The following DCBLD1 variants were observed in gnomAD, a reference collection of about 807,000 sequenced individuals.
DCBLD1 encodes discoidin, CUB and LCCL domain-containing protein 1.
DCBLD1 carries 57 observed loss-of-function variants against 71.5 expected under a neutral mutation model. The observed-to-expected ratio is 0.80, with a 90% CI of 0.64 to 0.99. The LOEUF is 0.99. Ranked by LOEUF, DCBLD1 falls within the 50% of genes least tolerant of loss-of-function variation. The pLI is 0.00. For missense variants in DCBLD1, 891 were observed against 923.5 expected (o/e 0.96, Z 0.46); for synonymous variants, 380 against 363.8 (o/e 1.04, Z -0.51).
Position 117,543,175 on chromosome 6 carries a change from T to G in DCBLD1, c.1409T>G (p.Val470Gly). Reference sequence around the variant, plus strand: ...CCATTGGTGCTCCTTGTTGTCCTGGTGTTTGCTGGAATGGGGATCTTTGCA... The same window carrying G: ...CCATTGGTGCTCCTTGTTGTCCTGGGGTTTGCTGGAATGGGGATCTTTGCA... Reference protein sequence around the residue: ...AIPLVLLVVLVFAGMGIFAAF... With the variant: ...AIPLVLLVVLGFAGMGIFAAF... Residue 470 changes from valine (V) to glycine (G), a missense_variant, in exon 12 of 15, where the codon GTG (valine) becomes GGG (glycine). Physicochemically the swap from Val to Gly is moderately radical, Grantham distance 109. Transcript: ENST00000338728. The G allele has an allele frequency of 6.2e-7, 1 of 1,614,170 alleles. No individual in the cohort carries two copies.
At position 117,548,614 on chromosome 6, in the gene DCBLD1, T is replaced by TGTGCA. The variant is rs977378465; in HGVS notation, c.*177_*181dup. The TGTGCA allele has an allele frequency of 7.0e-7, 1 of 1,434,206 alleles. No individual in the cohort carries two copies. The highest frequency in any genetic ancestry group is 1.4e-5 in the African/African-American group (1 of 69,640). The allele number at this position is 1,434,206 out of a possible 1,614,324, so 88.8% of individuals were successfully genotyped here. A position where few individuals can be genotyped will look rare whatever the true frequency, so the allele number is the denominator to read the frequency against. On this transcript the variant is annotated 3_prime_UTR_variant, in exon 15 of 15. Transcript: ENST00000338728. The stretch of plus-strand genomic sequence containing the variant: ...CAACCTGTCATACTGTTTACAAAAT[T>TGTGCA]GTGCAGCTGGTTTCGTGCTGACCCT...
intron 14 of DCBLD1, chr6:117,569,504 G>C: frequency 6.4e-7 from 1 of 1,568,026 alleles, no homozygotes; most frequent in Non-Finnish European, 8.6e-7. Context: ...TCGTAGGGAA[G>C]TATACAGTGT....
At chr6:117,567,504 A>G (rs1020871995) in intron 14 of DCBLD1, among the ~76,000 whole-genome samples, 2 of 152,196 alleles carry the variant, frequency 1.3e-5, no homozygotes, top group Non-Finnish European at 1.5e-5. Flanking sequence ...TAAGGACATC[A>G]TATAAATCTT....
intron 1 of DCBLD1, among the ~76,000 whole-genome samples, chr6:117,500,363 C>G (rs1777613094): frequency 6.6e-6 from 1 of 152,154 alleles, no homozygotes; most frequent in African/African-American, 2.4e-5. Flanking sequence ...GGTTCTTTGG[C>G]AGAACAAAGA....
At chr6:117,518,548 A>G (rs1471727679) in intron 2 of DCBLD1, among the ~76,000 whole-genome samples, 1 of 152,228 alleles carries the variant, frequency 6.6e-6, no homozygotes, top group Non-Finnish European at 1.5e-5. Flanking sequence ...TGATAAGGAC[A>G]TACCTGAGAC....
intron 1 of DCBLD1, among the ~76,000 whole-genome samples, chr6:117,484,045 G>A (rs898351037): frequency 6.6e-6 from 1 of 152,176 alleles, no homozygotes; most frequent in African/African-American, 2.4e-5. Context: ...ACAATACTAG[G>A]CAGATTGTAA....
rs1247428556 is a variant in DCBLD1 at position 117,548,067 on chromosome 6, C to T, written c.1776C>T (p.Pro592=). 6.5e-7 allele frequency: 1 copy of T among 1,548,852 alleles called. No homozygotes were observed. Residue 592 remains proline (P), a synonymous_variant, in exon 15 of 15, where the codon CCC becomes CCT. Transcript: ENST00000338728. Reference sequence around the variant, plus strand: ...CCGGCCGCCACGAGTACGCGCTGCCCCTGGCGCCCCCGGAGCCCGAGTACG... The same window carrying T: ...CCGGCCGCCACGAGTACGCGCTGCCTCTGGCGCCCCCGGAGCCCGAGTACG... The part of the protein sequence containing the change: ...QRAGRHEYAL[P]LAPPEPEYAT...
In DCBLD1 at chr6:117,555,970, A is replaced by G. The variant is rs185402564; in HGVS notation, c.1615+10373A>G. Reference sequence around the variant, plus strand: ...GCTCAGACACTTAACTAGCTGTGTGACCCTGGAAAAATCAGCCTTCAATTT... The same window carrying G: ...GCTCAGACACTTAACTAGCTGTGTGGCCCTGGAAAAATCAGCCTTCAATTT... On this transcript the variant is annotated intron_variant, in intron 14 of 14. Coordinates refer to the DCBLD1 transcript ENST00000296955. Among the ~76,000 whole-genome samples, 140 of 152,282 alleles carry G rather than the reference A, an allele frequency of 9.2e-4. 1 individual carries two copies. Among genetic ancestry groups the G allele is most frequent in the Non-Finnish European group, 1.8e-3 (124 of 68,020 alleles).
intron 2 of DCBLD1, among the ~76,000 whole-genome samples, chr6:117,512,079 GA>G (rs1368087968): frequency 6.6e-6 from 1 of 152,110 alleles, no homozygotes; most frequent in African/African-American, 2.4e-5. Context: ...GCCTCAAGGA[GA>G]AAAAGCTATT....
At chr6:117,498,521 T>A (rs1777541359) in intron 1 of DCBLD1, among the ~76,000 whole-genome samples, 1 of 152,198 alleles carries the variant, frequency 6.6e-6, no homozygotes, top group Non-Finnish European at 1.5e-5. Flanking sequence ...CCTATTTTGA[T>A]GTTAGATAGG....
intron 11 of DCBLD1, among the ~76,000 whole-genome samples, chr6:117,542,009 G>A (rs994095170): frequency 2.0e-5 from 3 of 151,998 alleles, no homozygotes; most frequent in Non-Finnish European, 4.4e-5. Context: ...AAATAACACC[G>A]CTACCGGGCA....
rs1015495481 is a variant in DCBLD1, at chr6:117,497,038, A to G, written c.113-6729A>G. Among the ~76,000 whole-genome samples, 3 of 152,168 alleles carry G rather than the reference A, an allele frequency of 2.0e-5. 1 individual carries two copies. Among genetic ancestry groups the G allele is most frequent in the Non-Finnish European group, 4.4e-5 (3 of 68,040 alleles). On this transcript the variant is annotated intron_variant, in intron 1 of 14. Transcript: ENST00000338728. ...CTAGTTAATAATCAATCTAAAAAGT[A>G]TATGTGATTAGCCGGGCTTGGTGGT...
intron 14 of DCBLD1, among the ~76,000 whole-genome samples, chr6:117,565,570 T>C (rs552892172): frequency 6.6e-6 from 1 of 152,292 alleles, no homozygotes; most frequent in East Asian, 1.9e-4. Context: ...ATTCCAAAAG[T>C]TGACACATTT....
rs1303373886 is a variant in DCBLD1 at position 117,547,921 on chromosome 6, C to G, written c.1630C>G (p.Leu544Val). ...TSDMADYQQPLMIGTGTVTRK... is the reference protein window; with the variant it reads ...TSDMADYQQPVMIGTGTVTRK... Reference sequence around the variant, plus strand: ...TGTGGTTTCAGATTACCAGCAGCCCCTCATGATTGGCACCGGGACAGTCAC... The same window carrying G: ...TGTGGTTTCAGATTACCAGCAGCCCGTCATGATTGGCACCGGGACAGTCAC... The change falls in exon 15 of 15, where the codon CTC becomes GTC. Residue 544 changes from leucine (L) to valine (V), a missense_variant. Leu to Val is a conservative substitution (Grantham distance 32). Transcript: ENST00000338728. 5.8e-6 allele frequency: 9 copies of G among 1,550,440 alleles called. No individual in the cohort carries two copies. Among genetic ancestry groups the G allele is most frequent in the Non-Finnish European group, 7.0e-6 (8 of 1,146,970 alleles).
intron 1 of DCBLD1, chr6:117,484,842 G>T (rs1777029153): frequency 1.3e-5 from 2 of 152,160 alleles, no homozygotes; most frequent in South Asian, 4.1e-4. Context: ...AGAGTCTGGT[G>T]ACCCCATAAA....
chr6:117,489,607 G>A (rs759280874), intron 1 of DCBLD1, among the ~76,000 whole-genome samples: 5 of 152,112 alleles, frequency 3.3e-5, no homozygotes, highest in African/African-American at 4.8e-5. Context: ...AAAAGAGGCC[G>A]GGCGCCGTGG....
Position 117,537,235 on chromosome 6 carries a change from A to G in DCBLD1, c.760+10A>G. 1 of 1,613,728 alleles carries G rather than the reference A, an allele frequency of 6.2e-7. No homozygotes were observed. The highest frequency in any genetic ancestry group is 8.5e-7 in the Non-Finnish European group (1 of 1,179,666). On this transcript the variant is annotated intron_variant, in intron 7 of 14. Transcript: ENST00000338728. Reference sequence around the variant, plus strand: ...CTGTTTACCTCCAATGGTAAGGATCATGCTTTCCTTAAGAATTTGATATTT... The same window carrying G: ...CTGTTTACCTCCAATGGTAAGGATCGTGCTTTCCTTAAGAATTTGATATTT...
chr6:117,554,269 C>T (rs1779467524), downstream of DCBLD1, among the ~76,000 whole-genome samples: 1 of 152,164 alleles, frequency 6.6e-6, no homozygotes, highest in Non-Finnish European at 1.5e-5. Context: ...CTTCCAGTAC[C>T]ATATTAAATA....
intron 2 of DCBLD1, among the ~76,000 whole-genome samples, chr6:117,518,092 T>A (rs1582998580): frequency 6.6e-6 from 1 of 152,344 alleles, no homozygotes; most frequent in Middle Eastern, 3.4e-3. Context: ...CTTATAAAAC[T>A]GAATGCCTTT....
Sources: allele counts gnomAD v4.1 joint callset (sites outside exome capture counted in the v4.1 genomes callset), GRCh38; gene constraint gnomAD v4.1.1; transcripts MANE v1.5; gene names NCBI Gene and HGNC (gene_info 2026-07-23, HGNC 2026-07-21).